CPNE4: variants seen among roughly 807,000 people sequenced by gnomAD.
CPNE4 encodes the protein copine-4.
In CPNE4, 25 loss-of-function variants were observed where a neutral mutation model predicts 67.9. The observed-to-expected ratio is 0.37, with a 90% CI of 0.27 to 0.51. The LOEUF (loss-of-function observed/expected upper bound fraction) is 0.51. Ranked by LOEUF, CPNE4 falls within the 20% of genes least tolerant of loss-of-function variation. CPNE4 has a pLI of 0.93. For missense variants in CPNE4, 464 were observed against 690.8 expected (o/e 0.67, Z 3.68); for synonymous variants, 242 against 244.9 (o/e 0.99, Z 0.11).
At chr3:131,595,425 G>T (rs921551630) in intron 7 of CPNE4, among the ~76,000 whole-genome samples, 13 of 152,198 alleles carry the variant, frequency 8.5e-5, no homozygotes, top group South Asian at 2.1e-4. Context: ...TGACAACAGG[G>T]ACTGTGTTAG....
chr3:131,835,376 A>T (rs138051755), intron 2 of CPNE4, among the ~76,000 whole-genome samples: 9,940 of 152,166 alleles, frequency 0.065, 848 homozygotes, highest in African/African-American at 0.2. Flanking sequence ...TAAAAATACA[A>T]AAATTAGCTG....
At chr3:131,835,125 G>GC (rs1406962727) in intron 2 of CPNE4, among the ~76,000 whole-genome samples, 1 of 152,314 alleles carries the variant, frequency 6.6e-6, no homozygotes, top group East Asian at 1.9e-4. Context: ...GGTTGGGCTA[G>GC]TGATGAAGGA....
intron 1 of CPNE4, among the ~76,000 whole-genome samples, chr3:132,023,526 C>T (rs558748310): frequency 7.7e-6 from 1 of 129,600 alleles, no homozygotes; most frequent in Non-Finnish European, 1.6e-5. Flanking sequence ...CTCGCTCTGT[C>T]GCCCAGGCTG....
At chr3:131,947,478 C>T (rs1320561895) in intron 1 of CPNE4, among the ~76,000 whole-genome samples, 1 of 152,114 alleles carries the variant, frequency 6.6e-6, no homozygotes, top group Non-Finnish European at 1.5e-5. Flanking sequence ...TGAGTGAGAA[C>T]ATGCAGTGTT....
chr3:131,901,847 C>T (rs1401625887), intron 2 of CPNE4, among the ~76,000 whole-genome samples: 1 of 134,738 alleles, frequency 7.4e-6, no homozygotes, highest in Non-Finnish European at 1.7e-5. Flanking sequence ...TTGCCAGTGT[C>T]TGTGGTGTAA....
At chr3:131,587,187 G>T (rs1938235474) in intron 8 of CPNE4, among the ~76,000 whole-genome samples, 1 of 152,158 alleles carries the variant, frequency 6.6e-6, no homozygotes, top group African/African-American at 2.4e-5. Flanking sequence ...GGCATGGAGA[G>T]ATTAAGTCAC....
At chr3:131,894,519 A>G (rs2088243908) in intron 2 of CPNE4, among the ~76,000 whole-genome samples, 1 of 151,874 alleles carries the variant, frequency 6.6e-6, no homozygotes, top group African/African-American at 2.4e-5. Context: ...GGAACTTAAC[A>G]TTAAAAAAAA....
chr3:131,792,925 G>GTGTGTGTGTGTGTGTGTATCTATA (rs58502463), intron 2 of CPNE4, among the ~76,000 whole-genome samples: 58 of 135,230 alleles, frequency 4.3e-4, no homozygotes, highest in African/African-American at 1.6e-3. Context: ...GTGTGTGTGT[G>GTGTGTGTGTGTGTGTGTATCTATA]TATCTCCAAC....
chr3:131,850,813 G>T (rs2086210924), intron 2 of CPNE4, among the ~76,000 whole-genome samples: 1 of 152,014 alleles, frequency 6.6e-6, no homozygotes, highest in South Asian at 2.1e-4. Context: ...CCATTTTGTA[G>T]AGTGGTTAAC....
At chr3:131,628,407 C>A (rs553528563) in intron 7 of CPNE4, among the ~76,000 whole-genome samples, 2 of 151,592 alleles carry the variant, frequency 1.3e-5, no homozygotes, top group African/African-American at 4.8e-5. Flanking sequence ...CGCTGATAAG[C>A]CCATCAGACC....
At chr3:131,776,595 A>C (rs542149143) in intron 2 of CPNE4, among the ~76,000 whole-genome samples, 33 of 152,284 alleles carry the variant, frequency 2.2e-4, no homozygotes, top group Admixed American at 5.2e-4. Context: ...ACTGAGGCCA[A>C]GTGAGAATAA....
intron 1 of CPNE4, among the ~76,000 whole-genome samples, chr3:131,996,090 G>C (rs1206289310): frequency 6.6e-6 from 1 of 152,128 alleles, no homozygotes; most frequent in Non-Finnish European, 1.5e-5. Context: ...CCAAACCTCA[G>C]CTTTCTTCCC....
chr3:132,022,948 A>T (rs2074028847), intron 1 of CPNE4, among the ~76,000 whole-genome samples: 1 of 152,210 alleles, frequency 6.6e-6, no homozygotes, highest in African/African-American at 2.4e-5. Context: ...TGAGAACCAC[A>T]TGGAATTATG....
chr3:131,989,378 G>T (rs1482572439), intron 1 of CPNE4, among the ~76,000 whole-genome samples: 5 of 152,152 alleles, frequency 3.3e-5, no homozygotes, highest in African/African-American at 9.7e-5. Context: ...TACCGCTTTG[G>T]AATATCAAAC....
chr3:131,649,996 A>G (rs1364733832), intron 7 of CPNE4, among the ~76,000 whole-genome samples: 1 of 151,944 alleles, frequency 6.6e-6, no homozygotes, highest in African/African-American at 2.4e-5. Flanking sequence ...AAGCTCCCTC[A>G]GGTTATTGGC....
chr3:131,625,613 A>G (rs9860643), intron 7 of CPNE4, among the ~76,000 whole-genome samples: 8,029 of 152,340 alleles, frequency 0.053, 267 homozygotes, highest in Non-Finnish European at 0.085. Context: ...CTGGTACAGT[A>G]GTGCCCATTT....
chr3:131,849,514 C>A (rs2086150627), intron 2 of CPNE4, among the ~76,000 whole-genome samples: 1 of 152,050 alleles, frequency 6.6e-6, no homozygotes, highest in African/African-American at 2.4e-5. Flanking sequence ...TATTACAAGA[C>A]CAGCGAGGGG....
rs2081251359 is a variant in CPNE4 at position 131,699,929 on chromosome 3, C to T, written c.412G>A (p.Ala138Thr). The T allele has an allele frequency of 1.2e-6, 2 of 1,612,962 alleles. No individual in the cohort carries two copies. The highest frequency in any genetic ancestry group is 1.3e-5 in the African/African-American group (1 of 74,894). ...SKSLLKHGNT[A>T]GKSSITVIAE... ...CTTACCGTGATGGAAGATTTCCCTG[C>T]TGTGTTCCCATGCTTCAGCAAGGAT... Residue 138 changes from alanine (A) to threonine (T), a missense_variant, in exon 4 of 16, where the codon GCA becomes ACA. By Grantham distance (58) the Ala-to-Thr change is moderately conservative (BLOSUM62 0). This residue lies in a region of CPNE4 where 170 missense variants were observed against 203.3 expected (regional missense o/e 0.84). Transcript: ENST00000429747.
At chr3:131,703,686 T>G (rs909295342) in intron 3 of CPNE4, among the ~76,000 whole-genome samples, 3 of 152,198 alleles carry the variant, frequency 2.0e-5, no homozygotes, top group African/African-American at 7.2e-5. Context: ...TAGAGAGTCA[T>G]TTTTCATGAG....
Sources: allele counts gnomAD v4.1 joint callset (sites outside exome capture counted in the v4.1 genomes callset), GRCh38; gene constraint gnomAD v4.1.1; regional missense constraint gnomAD v4.1.1; transcripts MANE v1.5; gene names NCBI Gene and HGNC (gene_info 2026-07-23, HGNC 2026-07-21).